JARID2: variants seen among roughly 807,000 people sequenced by gnomAD.
JARID2 encodes the protein jumonji and AT-rich interaction domain containing 2.
A neutral mutation model predicts 125.6 loss-of-function variants in JARID2; 21 were observed. That is an observed-to-expected ratio of 0.17 (90% confidence interval 0.12 to 0.24). JARID2 has a LOEUF of 0.24. Among genes scored for constraint, JARID2 ranks in the 10% least tolerant of loss-of-function variants. The pLI, the probability that JARID2 is intolerant of heterozygous loss-of-function variation, is 1.00. For missense variants in JARID2, 1,303 were observed against 1,639.6 expected, an observed-to-expected ratio of 0.79 and a Z score of 3.55; for synonymous variants, 736 against 661.6, an observed-to-expected ratio of 1.11 and a Z score of -1.73.
intron 8 of JARID2, among the ~76,000 whole-genome samples, chr6:15,504,208 C>T (rs945961973): frequency 1.8e-4 from 27 of 151,216 alleles, no homozygotes; most frequent in African/African-American, 5.8e-4. Context: ...AGGGGCCTTC[C>T]GCGCTTCTGC....
chr6:15,447,099 C>G (rs537046218), intron 3 of JARID2, among the ~76,000 whole-genome samples: 1 of 152,296 alleles, frequency 6.6e-6, no homozygotes, highest in African/African-American at 2.4e-5. Context: ...ACTTTGTAGT[C>G]TTTTAATTCA....
intron 2 of JARID2, 113 bp downstream of exon 2, chr6:15,374,365 G>A: frequency 8.9e-7 from 1 of 1,122,084 alleles, no homozygotes; most frequent in Non-Finnish European, 1.3e-6. Flanking sequence ...GGCACCTAAA[G>A]GCAGTCTGTA....
chr6:15,458,607 G>T (rs996331546), intron 4 of JARID2, among the ~76,000 whole-genome samples: 1 of 152,152 alleles, frequency 6.6e-6, no homozygotes, highest in African/African-American at 2.4e-5. Flanking sequence ...AAACAGATTA[G>T]ACACAGGAAA....
chr6:15,305,252 A>G (rs1010839744), intron 1 of JARID2, among the ~76,000 whole-genome samples: 3 of 152,174 alleles, frequency 2.0e-5, no homozygotes, highest in Non-Finnish European at 4.4e-5. Context: ...TTGGCCGGTC[A>G]TCCTGCACAC....
At chr6:15,303,883 C>T (rs141961512) in intron 1 of JARID2, among the ~76,000 whole-genome samples, 27 of 152,230 alleles carry the variant, frequency 1.8e-4, no homozygotes, top group African/African-American at 6.0e-4. Flanking sequence ...GTTTAATAAT[C>T]GGTAATCTTG....
intron 5 of JARID2, 130 bp downstream of exon 5, chr6:15,468,848 T>G: frequency 4.9e-6 from 4 of 813,982 alleles, no homozygotes; most frequent in Non-Finnish European, 7.6e-6. Flanking sequence ...GGCCAGACAC[T>G]TCATGGGCAA....
At chr6:15,512,809 A>C in intron 14 of JARID2, 106 bp from the exon 15 acceptor site, 1 of 1,129,004 alleles carries the variant, frequency 8.9e-7, no homozygotes, top group Non-Finnish European at 1.3e-6. Flanking sequence ...AATGCAATTC[A>C]AGATTTAGAA....
intron 1 of JARID2, among the ~76,000 whole-genome samples, chr6:15,261,709 AG>A (rs756096113): frequency 1.3e-5 from 2 of 151,968 alleles, no homozygotes; most frequent in Non-Finnish European, 2.9e-5. Flanking sequence ...AAAGTTGATA[AG>A]GAATACTGAA....
At chr6:15,354,785 C>T (rs1485519700) in intron 1 of JARID2, among the ~76,000 whole-genome samples, 1 of 152,044 alleles carries the variant, frequency 6.6e-6, no homozygotes, top group African/African-American at 2.4e-5. Flanking sequence ...GAATACCTAC[C>T]CCTACAAGCA....
At chr6:15,325,683 G>A (rs545194852) in intron 1 of JARID2, among the ~76,000 whole-genome samples, 10 of 152,230 alleles carry the variant, frequency 6.6e-5, no homozygotes, top group African/African-American at 2.2e-4. Context: ...CCATCACAGC[G>A]GTTCTCAAAC....
chr6:15,335,630 A>T (rs991405108), intron 1 of JARID2, among the ~76,000 whole-genome samples: 1 of 151,988 alleles, frequency 6.6e-6, no homozygotes. Context: ...GTCCACATTG[A>T]GGTGTCCCTG....
At chr6:15,368,585 T>C in intron 1 of JARID2, 1 of 373,044 alleles carries the variant, frequency 2.7e-6, no homozygotes. Context: ...TCATCCCAAG[T>C]TGAGTAACCA....
chr6:15,299,278 G>T lies in JARID2; in HGVS notation c.45+52694G>T, dbSNP rs180888007. On this transcript the variant is annotated intron_variant, in intron 1 of 17. Transcript: ENST00000341776. The stretch of plus-strand genomic sequence containing the variant: ...CCTGCTGCCACCACCTAATTTGTAA[G>T]GATGAGGGCATCAGTAGGTAGCTTG... Among the ~76,000 whole-genome samples the T allele has an allele frequency of 3.4e-3, 525 of 152,316 alleles. 2 individuals carry two copies. Among genetic ancestry groups the T allele is most frequent in the African/African-American group, 0.012 (497 of 41,560 alleles).
intron 1 of JARID2, among the ~76,000 whole-genome samples, chr6:15,276,556 A>G (rs918914705): frequency 1.3e-4 from 20 of 152,186 alleles, no homozygotes; most frequent in African/African-American, 2.7e-4. Context: ...CCATTTCCAC[A>G]TTGCCTCAGA....
intron 2 of JARID2, among the ~76,000 whole-genome samples, chr6:15,403,469 G>T: frequency 6.6e-6 from 1 of 152,122 alleles, no homozygotes; most frequent in African/African-American, 2.4e-5. Context: ...CTCTTCCTCT[G>T]AGGAAATAGG....
intron 7 of JARID2, among the ~76,000 whole-genome samples, chr6:15,498,037 C>T (rs755436592): frequency 6.6e-6 from 1 of 152,116 alleles, no homozygotes; most frequent in African/African-American, 2.4e-5. Flanking sequence ...TTTTGAAGAC[C>T]CTGTCTCCAA....
chr6:15,489,799 G>A (rs182385217), intron 6 of JARID2, among the ~76,000 whole-genome samples: 3 of 152,296 alleles, frequency 2.0e-5, no homozygotes, highest in Admixed American at 6.5e-5. Context: ...TGCAGGGAGC[G>A]CCATGTGCTC....
At chr6:15,424,997 A>G (rs1766662252) in intron 3 of JARID2, among the ~76,000 whole-genome samples, 1 of 152,216 alleles carries the variant, frequency 6.6e-6, no homozygotes, top group Non-Finnish European at 1.5e-5. Context: ...TCATTAAGAT[A>G]CGTTATTTTA....
chr6:15,488,954 A>G (rs1233337010), intron 6 of JARID2, among the ~76,000 whole-genome samples: 1 of 152,156 alleles, frequency 6.6e-6, no homozygotes, highest in Admixed American at 6.5e-5. Context: ...CACTGGAGGC[A>G]CAAAGCCCAG....
Sources: allele counts gnomAD v4.1 joint callset (sites outside exome capture counted in the v4.1 genomes callset), GRCh38; gene constraint gnomAD v4.1.1; transcripts MANE v1.5; gene names NCBI Gene and HGNC (gene_info 2026-07-23, HGNC 2026-07-21).